The following NUBPL variants were observed in gnomAD, a reference collection of about 807,000 sequenced individuals.
NUBPL encodes NUBP iron-sulfur cluster assembly factor, mitochondrial.
NUBPL carries 31 observed loss-of-function variants against 45.7 expected under a neutral mutation model. The ratio of observed to expected loss-of-function variants is 0.68; its 90% CI spans 0.51 to 0.92. The LOEUF (loss-of-function observed/expected upper bound fraction) is 0.92. NUBPL is among the 40% of genes least tolerant of loss of function. The pLI is 0.00. For synonymous variants in NUBPL, 144 were observed against 140.9 expected (o/e 1.02, Z -0.15); for missense variants, 401 against 398.7 (o/e 1.01, Z -0.05).
chr14:31,648,384 A>G (rs2035912331), intron 4 of NUBPL, among the ~76,000 whole-genome samples: 1 of 152,234 alleles, frequency 6.6e-6, no homozygotes, highest in Admixed American at 6.5e-5. Context: ...CTCCTGGAAG[A>G]AGCGCCTAGG....
At chr14:31,777,497 G>T (rs2039117311) in intron 6 of NUBPL, among the ~76,000 whole-genome samples, 1 of 152,216 alleles carries the variant, frequency 6.6e-6, no homozygotes, top group African/African-American at 2.4e-5. Flanking sequence ...ATCCTAGTGG[G>T]AGTCGCTTGC....
intron 7 of NUBPL, among the ~76,000 whole-genome samples, chr14:31,825,617 TCTC>T (rs368736470): frequency 0.016 from 2,354 of 149,510 alleles, 22 homozygotes; most frequent in East Asian, 0.035. Flanking sequence ...TTCCTCTTCT[TCTC>T]CTCCTCCTCC....
At chr14:31,824,515 C>G (rs1039227188) in intron 7 of NUBPL, among the ~76,000 whole-genome samples, 8 of 152,030 alleles carry the variant, frequency 5.3e-5, no homozygotes, top group Middle Eastern at 3.2e-3. Flanking sequence ...CAGTAAAATT[C>G]AAATTTATGA....
intron 4 of NUBPL, among the ~76,000 whole-genome samples, chr14:31,612,180 T>A (rs2034777016): frequency 6.6e-6 from 1 of 152,234 alleles, no homozygotes; most frequent in Non-Finnish European, 1.5e-5. Context: ...GACAAGACAT[T>A]AATAATGAAT....
At chr14:31,806,568 C>T (rs1042784757) in intron 7 of NUBPL, among the ~76,000 whole-genome samples, 1 of 152,048 alleles carries the variant, frequency 6.6e-6, no homozygotes, top group African/African-American at 2.4e-5. Flanking sequence ...TGGAAAAATA[C>T]AAGGGTTTTA....
At chr14:31,625,031 A>G (rs1330639231) in intron 4 of NUBPL, among the ~76,000 whole-genome samples, 6 of 152,204 alleles carry the variant, frequency 3.9e-5, no homozygotes, top group Admixed American at 3.9e-4. Context: ...CCATGATTAG[A>G]CAACATAACC....
At chr14:31,566,801 A>G (rs1026759438) in intron 3 of NUBPL, among the ~76,000 whole-genome samples, 8 of 152,152 alleles carry the variant, frequency 5.3e-5, no homozygotes, top group Non-Finnish European at 1.0e-4. Context: ...TGACTTGATA[A>G]GAGAAGGATT....
At chr14:31,569,228 G>A (rs1024806752) in intron 3 of NUBPL, among the ~76,000 whole-genome samples, 3 of 151,834 alleles carry the variant, frequency 2.0e-5, no homozygotes, top group African/African-American at 7.3e-5. Flanking sequence ...TTAAGATCTC[G>A]ATCTGTTGCC....
chr14:31,813,359 T>C (rs2039850250), intron 7 of NUBPL, among the ~76,000 whole-genome samples: 1 of 152,072 alleles, frequency 6.6e-6, no homozygotes, highest in East Asian at 1.9e-4. Flanking sequence ...CACTCCATTA[T>C]ACTGAAGAGC....
intron 4 of NUBPL, among the ~76,000 whole-genome samples, chr14:31,618,015 G>C (rs1220323093): frequency 6.6e-6 from 1 of 152,292 alleles, no homozygotes; most frequent in Non-Finnish European, 1.5e-5. Context: ...GAAGGTGTAT[G>C]TCCAGGAATT....
At position 31,675,955 on chromosome 14, in the gene NUBPL, G is replaced by C. The variant is rs188032242; in HGVS notation, c.513+2381G>C. 2.1e-3 allele frequency among the ~76,000 whole-genome samples: 318 copies of C among 151,882 alleles called. 1 individual carries two copies. The highest frequency in any genetic ancestry group is 7.3e-3 in the African/African-American group (303 of 41,428). On this transcript the variant is annotated intron_variant, in intron 6 of 10. Transcript: ENST00000281081. ...CATCCCATACCCATAGACAATCATTGTGATTTCTGTCACCGTAGTGAGTTT... is the reference window on the plus strand; with the variant it reads ...CATCCCATACCCATAGACAATCATTCTGATTTCTGTCACCGTAGTGAGTTT...
intron 4 of NUBPL, among the ~76,000 whole-genome samples, chr14:31,634,939 T>C (rs2035447750): frequency 6.7e-6 from 1 of 149,720 alleles, no homozygotes; most frequent in South Asian, 2.1e-4. Context: ...TGGGGTTGTT[T>C]GTTTTTTTCT....
At chr14:31,773,693 G>A (rs1012376633) in intron 6 of NUBPL, among the ~76,000 whole-genome samples, 5 of 152,196 alleles carry the variant, frequency 3.3e-5, no homozygotes, top group African/African-American at 1.2e-4. Context: ...TGTTCTGTTT[G>A]CTAGTAGGGT....
At position 31,860,430 on chromosome 14, in the gene NUBPL, A is replaced by C. The variant is rs533028584; in HGVS notation, c.*1250A>C. 6.6e-6 allele frequency: 1 copy of C among 152,232 alleles called. No individual in the cohort carries two copies. The highest frequency in any genetic ancestry group is 2.1e-4 in the South Asian group (1 of 4,812). 9.4% of individuals were successfully genotyped at this position (152,232 alleles called of 1,614,324 possible). On this transcript the variant is annotated 3_prime_UTR_variant, in exon 11 of 11. Coordinates refer to ENST00000281081, the MANE Select transcript of NUBPL (RefSeq NM_025152.3). The stretch of plus-strand genomic sequence containing the variant: ...AGCATTTCATGAAGTTCACATTTCA[A>C]ATAATACATTTTGAAAAACATTTAT...
intron 3 of NUBPL, among the ~76,000 whole-genome samples, chr14:31,578,642 A>G (rs2033781400): frequency 6.6e-6 from 1 of 152,208 alleles, no homozygotes; most frequent in African/African-American, 2.4e-5. Flanking sequence ...TCATCTCTCA[A>G]ATGCTTTGCC....
chr14:31,621,130 C>A (rs987720787), intron 4 of NUBPL, among the ~76,000 whole-genome samples: 54 of 152,288 alleles, frequency 3.5e-4, no homozygotes, highest in Middle Eastern at 3.4e-3. Flanking sequence ...GATGCTCCTC[C>A]CCCTACGAAG....
intron 4 of NUBPL, among the ~76,000 whole-genome samples, chr14:31,641,579 T>C (rs967538229): frequency 6.6e-6 from 1 of 152,200 alleles, no homozygotes; most frequent in African/African-American, 2.4e-5. Context: ...TCCATATGCC[T>C]ATTGAGGAGT....
chr14:31,713,131 A>C (rs1372482632), intron 6 of NUBPL, among the ~76,000 whole-genome samples: 1 of 152,192 alleles, frequency 6.6e-6, no homozygotes, highest in Admixed American at 6.5e-5. Context: ...CGTTAGTTTT[A>C]AGCTTTAAGA....
intron 4 of NUBPL, among the ~76,000 whole-genome samples, chr14:31,606,881 T>C (rs1193736548): frequency 6.6e-6 from 1 of 152,002 alleles, no homozygotes; most frequent in Non-Finnish European, 1.5e-5. Flanking sequence ...GGTTGTGGAG[T>C]TGGTGTATCC....
Sources: gnomAD v4.1 joint callset for allele counts (sites outside exome capture counted in the v4.1 genomes callset) on GRCh38, gnomAD v4.1.1 for gene constraint, MANE v1.5 for transcripts, NCBI Gene and HGNC (gene_info 2026-07-23, HGNC 2026-07-21) for gene names.